VIPR2: variants seen among roughly 807,000 people sequenced by gnomAD.
VIPR2 encodes the protein vasoactive intestinal peptide receptor 2.
A neutral mutation model predicts 58.0 loss-of-function variants in VIPR2; 48 were observed. That is an observed-to-expected ratio of 0.83 (90% CI 0.66 to 1.05). The LOEUF (loss-of-function observed/expected upper bound fraction) is 1.05. Ranked by LOEUF, VIPR2 falls within the 50% of genes least tolerant of loss-of-function variation. VIPR2 has a pLI of 0.00. For missense variants in VIPR2, 534 were observed against 558.0 expected (o/e 0.96, Z 0.43); for synonymous variants, 243 against 235.2 (o/e 1.03, Z -0.30).
At chr7:159,061,546 G>A (rs1011476383) in intron 4 of VIPR2, among the ~76,000 whole-genome samples, 1 of 151,896 alleles carries the variant, frequency 6.6e-6, no homozygotes, top group Non-Finnish European at 1.5e-5. Context: ...CACAGCTACT[G>A]GGGAGACTGA....
At chr7:159,100,028 G>C (rs767525690) in intron 4 of VIPR2, among the ~76,000 whole-genome samples, 1 of 152,162 alleles carries the variant, frequency 6.6e-6, no homozygotes, top group Non-Finnish European at 1.5e-5. Context: ...ACTCAACTCA[G>C]TCTTCTCTCA....
chr7:159,125,654 C>G (rs1024200727), intron 2 of VIPR2, among the ~76,000 whole-genome samples: 1 of 152,196 alleles, frequency 6.6e-6, no homozygotes, highest in African/African-American at 2.4e-5. Context: ...CAAGGGGCTG[C>G]TGCAGTTATG....
At chr7:159,113,371 T>G (rs1188741035) in intron 2 of VIPR2, among the ~76,000 whole-genome samples, 5 of 152,154 alleles carry the variant, frequency 3.3e-5, no homozygotes, top group Admixed American at 3.3e-4. Flanking sequence ...TCATGACCCT[T>G]TCATGTGAAA....
In VIPR2 at chr7:159,061,985, T is replaced by C. The variant is rs1429242030; in HGVS notation, c.358-3407A>G. 2.0e-5 allele frequency among the ~76,000 whole-genome samples: 3 copies of C among 152,292 alleles called. No individual in the cohort carries two copies. The East Asian group carries it at 5.8e-4, about 30-fold the overall frequency. ...GGGAGGGCGGAAAGCCTGAAGCCTC[T>C]AGAGGAGCCCCGTCCTGAGAAGCCT... On this transcript the variant is annotated intron_variant, in intron 4 of 12. Transcript: ENST00000262178.
chr7:159,113,884 T>A (rs1796137436), intron 2 of VIPR2, among the ~76,000 whole-genome samples: 1 of 152,058 alleles, frequency 6.6e-6, no homozygotes, highest in Non-Finnish European at 1.5e-5. Context: ...AACAGGAGCA[T>A]AAGTATGCTG....
chr7:159,080,680 C>T (rs181610879), intron 4 of VIPR2, among the ~76,000 whole-genome samples: 184 of 152,236 alleles, frequency 1.2e-3, no homozygotes, highest in Non-Finnish European at 1.8e-4. Context: ...TCAAATTGTC[C>T]CTGTTTGCAG....
chr7:159,097,166 C>T lies in VIPR2; in HGVS notation c.357+6591G>A. The stretch of plus-strand genomic sequence containing the variant: ...CATCTGCAGTGCCAGCTGCTGTGAT[C>T]TTTGTCACCAGGGATGGGAGCCCTG... On this transcript the variant is annotated intron_variant, in intron 4 of 12. Coordinates refer to ENST00000262178, the MANE Select transcript of VIPR2 (RefSeq NM_003382.5). This position sits in a 1 kb window ranked among gnomAD's most constrained non-coding sequence, Gnocchi z 5.3. The T allele has an allele frequency of 6.9e-7, 1 of 1,446,830 alleles. No homozygotes were observed. The highest frequency in any genetic ancestry group is 9.1e-7 in the Non-Finnish European group (1 of 1,094,520). The allele number at this position is 1,446,830 out of a possible 1,614,324, so 89.6% of individuals were successfully genotyped here. A position where few individuals can be genotyped will look rare whatever the true frequency, so the allele number is the denominator to read the frequency against.
In VIPR2 at chr7:159,031,330, C is replaced by T. The variant is rs1159570738; in HGVS notation, c.1143+498G>A. Among the ~76,000 whole-genome samples the T allele has an allele frequency of 6.6e-6, 1 of 151,132 alleles. No homozygotes were observed. The highest frequency in any genetic ancestry group is 1.5e-5 in the Non-Finnish European group (1 of 67,810). ...CAACCGCAGCGTGGGGCGGGAGGGT[C>T]AGGGGTCAGGGGACGGGGCCAGGCC... On this transcript the variant is annotated intron_variant, in intron 12 of 12. Transcript: ENST00000262178. The surrounding 1 kb of genome is among the most constrained non-coding windows in gnomAD (Gnocchi z 4.0).
Position 159,042,961 on chromosome 7 carries a change from C to T in VIPR2, c.597+74G>A, listed in dbSNP as rs116399573. On this transcript the variant is annotated intron_variant, in intron 6 of 12. Coordinates refer to ENST00000262178, the MANE Select transcript of VIPR2 (RefSeq NM_003382.5). ...CAGGAACCCTGCACCAGCACAGAGA[C>T]GTCCTCATCGTGAGAAGAGGGAACA... 2,066 of 1,538,470 alleles carry T rather than the reference C, an allele frequency of 1.3e-3. 21 individuals are homozygous for T. The African/African-American group carries it at 0.022, about 16-fold the overall frequency.
At chr7:159,119,364 G>C (rs1037492577) in intron 2 of VIPR2, among the ~76,000 whole-genome samples, 17 of 152,204 alleles carry the variant, frequency 1.1e-4, no homozygotes, top group Admixed American at 1.1e-3. Flanking sequence ...CTGGGTGCAC[G>C]GGGCCTCGAC....
rs572383913 is a variant in VIPR2 at position 159,091,597 on chromosome 7, G to A, written c.357+12160C>T. On this transcript the variant is annotated intron_variant, in intron 4 of 12. Transcript: ENST00000262178. ...GCCCAGGGAAAGCCCCGCCCTGCAC[G>A]TCACTCCTCACACAGTCCGGTTCCC... is the stretch of plus-strand genomic sequence containing the variant. Among the ~76,000 whole-genome samples the A allele has an allele frequency of 8.5e-5, 13 of 152,336 alleles. No individual in the cohort carries two copies. In the South Asian group the frequency reaches 1.0e-3, roughly 12 times the overall value.
chr7:159,032,871 G>T (rs771532820), intron 10 of VIPR2, among the ~76,000 whole-genome samples: 1 of 152,008 alleles, frequency 6.6e-6, no homozygotes, highest in Non-Finnish European at 1.5e-5. Flanking sequence ...AACCTGAAAG[G>T]CAACCAAGAA....
Position 159,036,396 on chromosome 7 carries a change from G to A in VIPR2, c.748+356C>T, listed in dbSNP as rs530850276. Among the ~76,000 whole-genome samples, 8 of 152,224 alleles carry A rather than the reference G, an allele frequency of 5.3e-5. No individual in the cohort carries two copies. The East Asian group carries it at 1.5e-3, about 29-fold the overall frequency. On this transcript the variant is annotated intron_variant, in intron 7 of 12. Coordinates refer to ENST00000262178, the MANE Select transcript of VIPR2 (RefSeq NM_003382.5). ...AAATTTGCACCCCTTTCCAACCCTG[G>A]GCAAGGCAAGGCTTCCGCTACCTGG... is the stretch of plus-strand genomic sequence containing the variant.
At chr7:159,091,127 G>A (rs73169238) in intron 4 of VIPR2, among the ~76,000 whole-genome samples, 19,321 of 152,290 alleles carry the variant, frequency 0.13, 1,422 homozygotes, top group East Asian at 0.16. Flanking sequence ...TTACCAAACC[G>A]GTAAAGCCTG....
chr7:159,138,461 A>T (rs530818281), intron 2 of VIPR2, among the ~76,000 whole-genome samples: 64 of 152,362 alleles, frequency 4.2e-4, no homozygotes, highest in African/African-American at 1.5e-3. Context: ...TATTCCCACC[A>T]ACAAAACGGT....
chr7:159,135,390 C>G (rs1426707419), intron 2 of VIPR2, among the ~76,000 whole-genome samples: 1 of 151,840 alleles, frequency 6.6e-6, no homozygotes, highest in Non-Finnish European at 1.5e-5. Flanking sequence ...CCAGATCGCA[C>G]CCCTGCACTC....
intron 4 of VIPR2, among the ~76,000 whole-genome samples, chr7:159,077,715 T>A (rs1417309769): frequency 1.3e-5 from 2 of 151,450 alleles, no homozygotes; most frequent in African/African-American, 4.9e-5. Flanking sequence ...TGTTATCAGA[T>A]TCTAGCCCTG....
intron 3 of VIPR2, among the ~76,000 whole-genome samples, chr7:159,108,810 C>G (rs1292865673): frequency 1.3e-5 from 2 of 152,242 alleles, no homozygotes; most frequent in Admixed American, 1.3e-4. Context: ...GCAGCCCAAG[C>G]TGCTCAGTAG....
At position 159,132,966 on chromosome 7, in the gene VIPR2, ATTGG is replaced by A. The variant is rs1371033160; in HGVS notation, c.151+9476_151+9479del. Reference sequence around the variant, plus strand: ...ATACAGATTGATTTCAGACAGAATGATTGGCATACCGATTGATTTTAGACAGAAT... The same window carrying A: ...ATACAGATTGATTTCAGACAGAATGACATACCGATTGATTTTAGACAGAAT... On this transcript the variant is annotated intron_variant, in intron 2 of 12. Transcript: ENST00000262178. Among the ~76,000 whole-genome samples, 99 of 147,648 alleles carry A rather than the reference ATTGG, an allele frequency of 6.7e-4. 1 individual carries two copies. The highest frequency in any genetic ancestry group is 1.0e-3 in the African/African-American group (41 of 39,842).
Sources: allele counts gnomAD v4.1 joint callset (sites outside exome capture counted in the v4.1 genomes callset), GRCh38; gene constraint gnomAD v4.1.1; non-coding constraint Gnocchi (gnomAD v3.1); transcripts MANE v1.5; gene names NCBI Gene and HGNC (gene_info 2026-07-23, HGNC 2026-07-21).